RIN3: variants seen among roughly 807,000 people sequenced by gnomAD.
RIN3 encodes the protein RAB5 interacting protein 3.
Under a neutral mutation model 76.3 loss-of-function variants are expected in RIN3, and 54 were observed. The observed-to-expected ratio is 0.71, with a 90% CI of 0.57 to 0.89. The LOEUF (loss-of-function observed/expected upper bound fraction) is 0.89. RIN3 is among the 40% of genes least tolerant of loss of function. The pLI is 0.00. For synonymous variants in RIN3, 576 were observed against 564.0 expected (o/e 1.02, Z -0.30); for missense variants, 1,256 against 1,322.1 (o/e 0.95, Z 0.78).
chr14:92,541,170 C>G (rs1897123560), intron 1 of RIN3, among the ~76,000 whole-genome samples: 2 of 152,216 alleles, frequency 1.3e-5, no homozygotes, highest in Admixed American at 1.3e-4. Context: ...ATATCATATC[C>G]ATTCTTGTAA....
chr14:92,547,822 G>A (rs548932033), intron 1 of RIN3, among the ~76,000 whole-genome samples: 1 of 152,136 alleles, frequency 6.6e-6, no homozygotes, highest in Non-Finnish European at 1.5e-5. Context: ...TCCTGCCTCA[G>A]CCTTCCAAGT....
chr14:92,546,614 A>T (rs1897271780), intron 1 of RIN3, among the ~76,000 whole-genome samples: 1 of 152,136 alleles, frequency 6.6e-6, no homozygotes, highest in Admixed American at 6.5e-5. Context: ...GTGTTCAGGG[A>T]ATGGGGCTGC....
rs34854354 is a variant in RIN3, at chr14:92,633,559, GAC to G, written c.441-7677_441-7676del. ...AGTCAGAAGCCGGCTGGTGGCCTGA[GAC>G]AACTGCATCTGAAGTGGGGGCAGTC... is the stretch of plus-strand genomic sequence containing the variant. On this transcript the variant is annotated intron_variant, in intron 4 of 9. Coordinates refer to ENST00000216487, the MANE Select transcript of RIN3 (RefSeq NM_024832.5). Among the ~76,000 whole-genome samples the G allele has an allele frequency of 3.8e-3, 578 of 152,352 alleles. 2 individuals are homozygous for G. The highest frequency in any genetic ancestry group is 0.013 in the African/African-American group (549 of 41,590).
intron 8 of RIN3, among the ~76,000 whole-genome samples, chr14:92,684,118 G>A (rs113143622): frequency 1.3e-3 from 199 of 152,238 alleles, no homozygotes; most frequent in African/African-American, 4.3e-3. Context: ...GGTGGTTCAT[G>A]TCAGTAATCC....
intron 1 of RIN3, among the ~76,000 whole-genome samples, chr14:92,548,567 G>A (rs954861845): frequency 3.3e-5 from 5 of 152,114 alleles, no homozygotes; most frequent in African/African-American, 4.8e-5. Context: ...GGGAGGATCC[G>A]TCCCATGCCT....
intron 4 of RIN3, among the ~76,000 whole-genome samples, chr14:92,620,459 G>A (rs1886132940): frequency 6.6e-6 from 1 of 152,224 alleles, no homozygotes; most frequent in African/African-American, 2.4e-5. Flanking sequence ...AAGGTAGAAA[G>A]TTGGTGTGCT....
At chr14:92,546,830 T>C (rs1897277389) in intron 1 of RIN3, among the ~76,000 whole-genome samples, 1 of 151,922 alleles carries the variant, frequency 6.6e-6, no homozygotes, top group Admixed American at 6.6e-5. Context: ...GGTTGGCCAG[T>C]GTCCCCAAAG....
intron 1 of RIN3, among the ~76,000 whole-genome samples, chr14:92,527,779 C>T (rs1349229282): frequency 2.6e-5 from 4 of 152,148 alleles, no homozygotes; most frequent in African/African-American, 9.7e-5. Flanking sequence ...CTGGCTTTTT[C>T]TCAGCCACAT....
In RIN3 at chr14:92,554,945, TAAACAATAAAAATATTA is replaced by T. The variant is rs1294744569; in HGVS notation, c.45-804_45-788del. The stretch of plus-strand genomic sequence containing the variant: ...CTCAAAAAAAAATTATACTAACTTG[TAAACAATAAAAATATTA>T]ATAAGCTATTTTATATTCTTTTTAT... On this transcript the variant is annotated intron_variant, in intron 1 of 9. Transcript: ENST00000216487. 7.2e-5 allele frequency among the ~76,000 whole-genome samples: 11 copies of T among 152,340 alleles called. No homozygotes were observed. The East Asian group carries it at 2.1e-3, about 29-fold the overall frequency.
intron 3 of RIN3, among the ~76,000 whole-genome samples, chr14:92,598,096 T>C (rs1330735639): frequency 6.6e-6 from 1 of 152,196 alleles, no homozygotes; most frequent in Non-Finnish European, 1.5e-5. Flanking sequence ...AGTGACACTA[T>C]GCCAGTCGCA....
At chr14:92,611,352 T>C (rs1174642042) in intron 3 of RIN3, among the ~76,000 whole-genome samples, 2 of 152,236 alleles carry the variant, frequency 1.3e-5, no homozygotes, top group Middle Eastern at 3.4e-3. Context: ...AGTGGCACGA[T>C]CTCACCTCTG....
chr14:92,591,069 G>A (rs1398098892), intron 3 of RIN3, among the ~76,000 whole-genome samples: 1 of 152,214 alleles, frequency 6.6e-6, no homozygotes, highest in Non-Finnish European at 1.5e-5. Context: ...AAGGTGCTAA[G>A]GACTCTAATG....
At chr14:92,527,046 C>CTTTTTT (rs1215618245) in intron 1 of RIN3, among the ~76,000 whole-genome samples, 3 of 109,994 alleles carry the variant, frequency 2.7e-5, no homozygotes, top group African/African-American at 4.0e-5. Context: ...TTCTCCCCAT[C>CTTTTTT]TTTTTTTTTT....
intron 4 of RIN3, among the ~76,000 whole-genome samples, chr14:92,635,838 G>C (rs917015494): frequency 6.6e-6 from 1 of 152,108 alleles, no homozygotes; most frequent in African/African-American, 2.4e-5. Flanking sequence ...GGGCAATAGA[G>C]GGCGAGTCTG....
chr14:92,514,027 T>C lies in RIN3; in HGVS notation c.44+51T>C. The C allele has an allele frequency of 8.6e-7, 1 of 1,157,636 alleles. No individual in the cohort carries two copies. Among genetic ancestry groups the C allele is most frequent in the Non-Finnish European group, 1.1e-6 (1 of 919,058 alleles). The allele number at this position is 1,157,636 out of a possible 1,614,324, so 71.7% of individuals were successfully genotyped here. On this transcript the variant is annotated intron_variant, in intron 1 of 9. Coordinates refer to ENST00000216487, the MANE Select transcript of RIN3 (RefSeq NM_024832.5). This position sits in a 1 kb window ranked among gnomAD's most constrained non-coding sequence, Gnocchi z 7.2. ...TCCCTCGCGATCCCCACGGCCCGCGTCCTGGCCGCCCCACTCCACTTCTTG... is the reference window on the plus strand; with the variant it reads ...TCCCTCGCGATCCCCACGGCCCGCGCCCTGGCCGCCCCACTCCACTTCTTG...
rs140853519 is a variant in RIN3 at position 92,643,433 on chromosome 14, G to A, written c.532+2104G>A. Among the ~76,000 whole-genome samples, 437 of 152,266 alleles carry A rather than the reference G, an allele frequency of 2.9e-3. 10 individuals are homozygous for A. The South Asian group carries it at 0.041, about 14-fold the overall frequency. ...AAGGGCAAGTTTTCAGTTGCTTTTG[G>A]GAATCAACTTGCTATTAAACTTTGC... is the stretch of plus-strand genomic sequence containing the variant. On this transcript the variant is annotated intron_variant, in intron 5 of 9. Coordinates refer to ENST00000216487, the MANE Select transcript of RIN3 (RefSeq NM_024832.5). This position sits in a 1 kb window ranked among gnomAD's most constrained non-coding sequence, Gnocchi z 4.8.
intron 6 of RIN3, among the ~76,000 whole-genome samples, chr14:92,654,866 C>T (rs1469101381): frequency 6.6e-6 from 1 of 152,094 alleles, no homozygotes. Flanking sequence ...AGGTGACAGG[C>T]AATCAGCAAG....
At chr14:92,546,807 C>A (rs928822100) in intron 1 of RIN3, among the ~76,000 whole-genome samples, 5 of 151,740 alleles carry the variant, frequency 3.3e-5, no homozygotes, top group Admixed American at 6.6e-5. Flanking sequence ...AATGAGATGT[C>A]CCTGGTGGAC....
chr14:92,544,874 C>G (rs373309662), intron 1 of RIN3, among the ~76,000 whole-genome samples: 1 of 152,062 alleles, frequency 6.6e-6, no homozygotes, highest in South Asian at 2.1e-4. Flanking sequence ...CTGGTTGAAA[C>G]CTCCTTCGCA....
Sources: allele counts gnomAD v4.1 joint callset (sites outside exome capture counted in the v4.1 genomes callset), GRCh38; gene constraint gnomAD v4.1.1; non-coding constraint Gnocchi (gnomAD v3.1); transcripts MANE v1.5; gene names NCBI Gene and HGNC (gene_info 2026-07-23, HGNC 2026-07-21).